CXCL13: variants seen among roughly 807,000 people sequenced by gnomAD.
The protein encoded by CXCL13 is C-X-C motif chemokine ligand 13.
Under a neutral mutation model 12.2 loss-of-function variants are expected in CXCL13, and 7 were observed. That is an observed-to-expected ratio of 0.57 (90% CI 0.33 to 1.07). The LOEUF (loss-of-function observed/expected upper bound fraction) is 1.07. Among genes scored for constraint, CXCL13 ranks in the 50% least tolerant of loss-of-function variants. CXCL13 has a pLI of 0.04. For synonymous variants in CXCL13, 47 were observed against 42.4 expected, an observed-to-expected ratio of 1.11 and a Z score of -0.42; for missense variants, 113 against 127.4, an observed-to-expected ratio of 0.89 and a Z score of 0.55.
intron 1 of CXCL13, among the ~76,000 whole-genome samples, chr4:77,581,054 T>C (rs1199442121): frequency 6.6e-4 from 101 of 151,978 alleles, no homozygotes; most frequent in Non-Finnish European, 4.4e-5. Context: ...TAAGCAAATG[T>C]ATAGAGAACG....
chr4:77,580,308 CTTTTTTTTTTTTTTTTTTTTTT>C (rs1015001550), intron 1 of CXCL13, among the ~76,000 whole-genome samples: 191 of 17,642 alleles, frequency 0.011, 3 homozygotes, highest in African/African-American at 0.016. Context: ...AGTTTTCTTT[CTTTTTTTTTTTTTTTTTTTTTT>C]TTTTTTTTTT....
intron 1 of CXCL13, among the ~76,000 whole-genome samples, chr4:77,557,359 G>C (rs1725683934): frequency 6.6e-6 from 1 of 152,140 alleles, no homozygotes; most frequent in South Asian, 2.1e-4. Flanking sequence ...GCTGCAGGGG[G>C]CCTGGAACCT....
At chr4:77,528,487 G>C (rs1001749042) in intron 1 of CXCL13, among the ~76,000 whole-genome samples, 1 of 152,132 alleles carries the variant, frequency 6.6e-6, no homozygotes, top group Admixed American at 6.5e-5. Flanking sequence ...GTGTGAGATG[G>C]TATCTCATTG....
intron 1 of CXCL13, among the ~76,000 whole-genome samples, chr4:77,545,431 G>A (rs1311752357): frequency 6.6e-6 from 1 of 152,106 alleles, no homozygotes; most frequent in African/African-American, 2.4e-5. Context: ...CTTGAGCAGT[G>A]GTTTGTAGTT....
chr4:77,598,103 C>A (rs1466452455), intron 1 of CXCL13, among the ~76,000 whole-genome samples: 1 of 152,184 alleles, frequency 6.6e-6, no homozygotes, highest in Admixed American at 6.5e-5. Context: ...GTGGACACTG[C>A]GGGAGATGAC....
intron 1 of CXCL13, among the ~76,000 whole-genome samples, chr4:77,540,831 C>G (rs748822091): frequency 2.0e-5 from 3 of 152,174 alleles, no homozygotes; most frequent in Admixed American, 2.0e-4. Context: ...TGAGAAGTCT[C>G]TAAACTGCTT....
At chr4:77,556,602 C>G (rs1351791942) in intron 1 of CXCL13, among the ~76,000 whole-genome samples, 1 of 152,062 alleles carries the variant, frequency 6.6e-6, no homozygotes, top group African/African-American at 2.4e-5. Flanking sequence ...TATTAAACCT[C>G]ATTAAGATTG....
chr4:77,556,451 G>A (rs1578052202), intron 1 of CXCL13, among the ~76,000 whole-genome samples: 1 of 152,118 alleles, frequency 6.6e-6, no homozygotes, highest in Non-Finnish European at 1.5e-5. Flanking sequence ...GTGGTTGGGG[G>A]TGGTATTGAC....
At chr4:77,576,631 G>A (rs1726205761) in intron 1 of CXCL13, among the ~76,000 whole-genome samples, 1 of 152,096 alleles carries the variant, frequency 6.6e-6, no homozygotes, top group Non-Finnish European at 1.5e-5. Context: ...GGGACCTTAA[G>A]AGGAGAGGAT....
rs764379787 is a variant in CXCL13 at position 77,607,621 on chromosome 4, G to T, written c.65-82G>T. The stretch of plus-strand genomic sequence containing the variant: ...GAAACTTTTAAGTCTTCAAATGCAC[G>T]TTATGAAAGATTAGTAATTAAATTC... On this transcript the variant is annotated intron_variant, in intron 1 of 3. Coordinates refer to ENST00000682537, the MANE Select transcript of CXCL13 (RefSeq NM_001371558.1). 2.9e-6 allele frequency: 4 copies of T among 1,385,372 alleles called. No homozygotes were observed. In the African/African-American group the frequency reaches 4.3e-5, roughly 15 times the overall value. The allele number at this position is 1,385,372 out of a possible 1,614,324, so 85.8% of individuals were successfully genotyped here.
intron 1 of CXCL13, among the ~76,000 whole-genome samples, chr4:77,581,796 A>G (rs1289108119): frequency 6.6e-6 from 1 of 152,190 alleles, no homozygotes; most frequent in Non-Finnish European, 1.5e-5. Flanking sequence ...TCAGCCAATT[A>G]AACAATCTTC....
At chr4:77,563,672 C>T (rs896630603) in intron 1 of CXCL13, among the ~76,000 whole-genome samples, 5 of 152,172 alleles carry the variant, frequency 3.3e-5, no homozygotes, top group Admixed American at 6.5e-5. Context: ...AGACTGCTGA[C>T]AGATGAAAGA....
rs1223176479 is a variant in CXCL13, at chr4:77,517,003, T to G, written c.-43+5215T>G. On this transcript the variant is annotated intron_variant, in intron 1 of 4. Coordinates refer to the CXCL13 transcript ENST00000286758. ...ATGTGTCCCAGAGATTCTGGTATCT[T>G]GTGTCTTTGTTCTCGTTGGTTTCAA... is the stretch of plus-strand genomic sequence containing the variant. Among the ~76,000 whole-genome samples the G allele has an allele frequency of 2.6e-5, 4 of 152,356 alleles. No homozygotes were observed. The East Asian group carries it at 5.8e-4, about 22-fold the overall frequency.
intron 1 of CXCL13, among the ~76,000 whole-genome samples, chr4:77,600,534 A>G (rs916272918): frequency 6.6e-6 from 1 of 152,246 alleles, no homozygotes; most frequent in African/African-American, 2.4e-5. Context: ...TATTATCTAC[A>G]TGACATATGA....
intron 1 of CXCL13, among the ~76,000 whole-genome samples, chr4:77,515,323 G>A (rs933361131): frequency 6.6e-6 from 1 of 152,046 alleles, no homozygotes; most frequent in South Asian, 2.1e-4. Context: ...CTTTAAAGTA[G>A]TTTTTTCCAA....
chr4:77,574,737 C>T (rs1450388033), intron 1 of CXCL13, among the ~76,000 whole-genome samples: 1 of 151,870 alleles, frequency 6.6e-6, no homozygotes, highest in African/African-American at 2.4e-5. Context: ...GGGTTTTCTT[C>T]TGCCTGTCTG....
intron 1 of CXCL13, among the ~76,000 whole-genome samples, chr4:77,542,532 A>G (rs910409518): frequency 6.6e-6 from 1 of 152,122 alleles, no homozygotes; most frequent in Non-Finnish European, 1.5e-5. Flanking sequence ...CACTCTCATG[A>G]TCCAATCACC....
chr4:77,610,626 GAAC>G lies in CXCL13; in HGVS notation c.213_215del (p.Asn71del). ...TATTTTCCCCCAGAGTCTGGAAGAA[GAAC>G]AAGTCAATTGTGTGTGTGGACCCTC... is the stretch of plus-strand genomic sequence containing the variant. On this transcript the variant is annotated inframe_deletion, in exon 3 of 4. Coordinates refer to ENST00000682537, the MANE Select transcript of CXCL13 (RefSeq NM_001371558.1). 2 of 1,611,920 alleles carry G rather than the reference GAAC, an allele frequency of 1.2e-6. No homozygotes were observed. The highest frequency in any genetic ancestry group is 1.7e-6 in the Non-Finnish European group (2 of 1,178,036).
chr4:77,610,569 G>C, intron 2 of CXCL13, 45 bp from the exon 3 acceptor site: 2 of 1,376,262 alleles, frequency 1.5e-6, no homozygotes, highest in Non-Finnish European at 2.1e-6. Context: ...GTATAGGATT[G>C]ACTAAAATGT....
Sources: gnomAD v4.1 joint callset for allele counts (sites outside exome capture counted in the v4.1 genomes callset) on GRCh38, gnomAD v4.1.1 for gene constraint, MANE v1.5 for transcripts, NCBI Gene and HGNC (gene_info 2026-07-23, HGNC 2026-07-21) for gene names.